The following KIAA1217 variants were observed in gnomAD, a reference collection of about 807,000 sequenced individuals.
KIAA1217 encodes the protein KIAA1217.
In KIAA1217, 88 loss-of-function variants were observed where a neutral mutation model predicts 163.9. That is an observed-to-expected ratio of 0.54 (90% CI 0.45 to 0.64). The LOEUF is 0.64. Among genes scored for constraint, KIAA1217 ranks in the 30% least tolerant of loss-of-function variants. The pLI, the probability that KIAA1217 is intolerant of heterozygous loss-of-function variation, is 0.00. For synonymous variants in KIAA1217, 903 were observed against 923.1 expected, an observed-to-expected ratio of 0.98 and a Z score of 0.39; for missense variants, 2,372 against 2,475.0, an observed-to-expected ratio of 0.96 and a Z score of 0.88.
intron 1 of KIAA1217, among the ~76,000 whole-genome samples, chr10:23,799,100 G>C (rs1564431434): frequency 6.6e-6 from 1 of 152,096 alleles, no homozygotes; most frequent in Non-Finnish European, 1.5e-5. Context: ...CATCACCCTG[G>C]ACTCTGCCTT....
intron 2 of KIAA1217, among the ~76,000 whole-genome samples, chr10:24,131,019 A>G (rs372496622): frequency 6.6e-6 from 1 of 152,220 alleles, no homozygotes; most frequent in Non-Finnish European, 1.5e-5. Flanking sequence ...ATAAAAATAC[A>G]TATCTTTAGA....
At chr10:23,943,763 T>G (rs1182946625) in intron 1 of KIAA1217, among the ~76,000 whole-genome samples, 2 of 152,188 alleles carry the variant, frequency 1.3e-5, no homozygotes, top group Non-Finnish European at 2.9e-5. Flanking sequence ...GGCAGTGTGG[T>G]AAGGATAGGC....
At chr10:24,087,618 T>C (rs1408495997) in intron 2 of KIAA1217, among the ~76,000 whole-genome samples, 1 of 152,200 alleles carries the variant, frequency 6.6e-6, no homozygotes, top group Non-Finnish European at 1.5e-5. Flanking sequence ...CCCTCATAGT[T>C]AGCCTTACTT....
intron 17 of KIAA1217, among the ~76,000 whole-genome samples, chr10:24,540,984 G>C (rs2074970093): frequency 6.6e-6 from 1 of 151,706 alleles, no homozygotes; most frequent in Admixed American, 6.6e-5. Flanking sequence ...GACCAGGTCG[G>C]TCTCAAATTT....
intron 2 of KIAA1217, among the ~76,000 whole-genome samples, chr10:24,336,682 G>T (rs1478618805): frequency 6.6e-6 from 1 of 152,200 alleles, no homozygotes; most frequent in Non-Finnish European, 1.5e-5. Context: ...GACCTGGGGA[G>T]ATTTTCTTTC....
chr10:23,967,048 T>C (rs1387062356), intron 1 of KIAA1217, among the ~76,000 whole-genome samples: 2 of 151,954 alleles, frequency 1.3e-5, no homozygotes, highest in Non-Finnish European at 2.9e-5. Context: ...AAATAAAGAA[T>C]TATTAAGTTT....
intron 2 of KIAA1217, among the ~76,000 whole-genome samples, chr10:24,074,073 G>T (rs1419284020): frequency 6.6e-6 from 1 of 152,136 alleles, no homozygotes; most frequent in African/African-American, 2.4e-5. Context: ...GCCAGGCATG[G>T]TGGCTCATGC....
intron 2 of KIAA1217, chr10:24,042,314 T>C (rs983202484): frequency 1.3e-5 from 2 of 152,006 alleles, no homozygotes; most frequent in African/African-American, 4.8e-5. Context: ...TGGCTAGACC[T>C]TTCTTCTCTA....
intron 2 of KIAA1217, among the ~76,000 whole-genome samples, chr10:24,076,600 C>T (rs2061374511): frequency 6.6e-6 from 1 of 152,132 alleles, no homozygotes; most frequent in Non-Finnish European, 1.5e-5. Context: ...GATGAGGAAA[C>T]CACAGCTTGG....
chr10:24,379,773 G>A (rs539998629), intron 2 of KIAA1217, among the ~76,000 whole-genome samples: 2 of 145,060 alleles, frequency 1.4e-5, no homozygotes, highest in South Asian at 2.1e-4. Flanking sequence ...TAATAAGGCC[G>A]GGCATGGTAG....
intron 2 of KIAA1217, among the ~76,000 whole-genome samples, chr10:24,092,637 G>C (rs769306488): frequency 2.0e-5 from 3 of 151,468 alleles, no homozygotes; most frequent in Non-Finnish European, 4.4e-5. Context: ...TTCATTAAAT[G>C]AAAGAAACCT....
At chr10:24,471,525 C>T (rs376751540) in intron 5 of KIAA1217, among the ~76,000 whole-genome samples, 1 of 151,624 alleles carries the variant, frequency 6.6e-6, no homozygotes, top group South Asian at 2.1e-4. Flanking sequence ...TTGCAAATTA[C>T]AGTTGACCAT....
chr10:23,976,608 A>G (rs1845552777), intron 1 of KIAA1217, among the ~76,000 whole-genome samples: 1 of 152,204 alleles, frequency 6.6e-6, no homozygotes, highest in African/African-American at 2.4e-5. Flanking sequence ...GCAGTCTTCC[A>G]GGTACAGCAG....
chr10:23,786,493 C>G (rs898691315), intron 1 of KIAA1217, among the ~76,000 whole-genome samples: 1 of 150,380 alleles, frequency 6.6e-6, no homozygotes, highest in African/African-American at 2.5e-5. Context: ...ACCACAAATA[C>G]CATTTCTACC....
chr10:24,313,388 A>G (rs16924554), intron 2 of KIAA1217, among the ~76,000 whole-genome samples: 6,128 of 152,200 alleles, frequency 0.04, 435 homozygotes, highest in African/African-American at 0.14. Context: ...TGGCGATTAA[A>G]TGTTCTTATT....
At chr10:23,697,785 G>C (rs1016703704) in intron 1 of KIAA1217, among the ~76,000 whole-genome samples, 7 of 151,864 alleles carry the variant, frequency 4.6e-5, no homozygotes, top group Admixed American at 2.0e-4. Flanking sequence ...GCTGAGGTGG[G>C]AAGATCGCTT....
chr10:24,403,156 T>C (rs1591641137), intron 3 of KIAA1217, among the ~76,000 whole-genome samples: 2 of 152,344 alleles, frequency 1.3e-5, no homozygotes, highest in South Asian at 2.1e-4. Context: ...ATTGTGAAGA[T>C]TTCTTAGACG....
At chr10:24,159,930 C>A (rs2065045187) in intron 2 of KIAA1217, among the ~76,000 whole-genome samples, 1 of 152,142 alleles carries the variant, frequency 6.6e-6, no homozygotes, top group Non-Finnish European at 1.5e-5. Context: ...TCTTTGATAT[C>A]TAATTGTTCT....
intron 6 of KIAA1217, chr10:24,481,231 C>T (rs1272446456): frequency 6.6e-6 from 1 of 152,148 alleles, no homozygotes; most frequent in Non-Finnish European, 1.5e-5. Flanking sequence ...TGAAGACAGT[C>T]ATAAAATATT....
Sources: allele counts gnomAD v4.1 joint callset (sites outside exome capture counted in the v4.1 genomes callset), GRCh38; gene constraint gnomAD v4.1.1; transcripts MANE v1.5; gene names NCBI Gene and HGNC (gene_info 2026-07-23, HGNC 2026-07-21).